COL5A1: variants seen among roughly 807,000 people sequenced by gnomAD.
The protein encoded by COL5A1 is collagen type V alpha 1 chain.
COL5A1 carries 16 observed loss-of-function variants against 263.7 expected under a neutral mutation model. The observed-to-expected ratio is 0.06, with a 90% CI of 0.04 to 0.09. The LOEUF (loss-of-function observed/expected upper bound fraction) is 0.09. Among genes scored for constraint, COL5A1 ranks in the 10% least tolerant of loss-of-function variants. The pLI, the probability that COL5A1 is intolerant of heterozygous loss-of-function variation, is 1.00. For missense variants in COL5A1, 2,036 were observed against 2,540.5 expected (o/e 0.80, Z 4.27); for synonymous variants, 1,012 against 1,004.5 (o/e 1.01, Z -0.14).
intron 25 of COL5A1, among the ~76,000 whole-genome samples, chr9:134,772,160 A>G (rs1454999039): frequency 6.6e-6 from 1 of 152,132 alleles, no homozygotes; most frequent in Non-Finnish European, 1.5e-5. Flanking sequence ...CAAACGAGGC[A>G]GCTGTTTGAA....
At position 134,822,129 on chromosome 9, in the gene COL5A1, T is replaced by C; in HGVS notation, c.4587T>C (p.Pro1529=). 6.3e-7 allele frequency: 1 copy of C among 1,592,704 alleles called. No individual in the cohort carries two copies. Among genetic ancestry groups the C allele is most frequent in the Non-Finnish European group, 8.6e-7 (1 of 1,167,654 alleles). Residue 1529 remains proline (P), a synonymous_variant, in exon 59 of 66, where the codon CCT becomes CCC. Coordinates refer to ENST00000371817, the MANE Select transcript of COL5A1 (RefSeq NM_000093.5). ...GITGPSGPIG[P]PGPPGLPGPP... Reference sequence around the variant, plus strand: ...CTGGTCCTTCTGGCCCGATTGGGCCTCCTGGGCCCCCTGGCCTGCCGGTGT... The same window carrying C: ...CTGGTCCTTCTGGCCCGATTGGGCCCCCTGGGCCCCCTGGCCTGCCGGTGT...
chr9:134,716,937 G>A lies in COL5A1; in HGVS notation c.655-10329G>A, dbSNP rs1834283480. Among the ~76,000 whole-genome samples the A allele has an allele frequency of 1.3e-5, 2 of 152,126 alleles. No homozygotes were observed. Among genetic ancestry groups the A allele is most frequent in the African/African-American group, 4.8e-5 (2 of 41,404 alleles). Reference sequence around the variant, plus strand: ...GGGACAGCAGAAAGCAATTTCCGACGACATGAAAATATTTCTCTGACACTC... The same window carrying A: ...GGGACAGCAGAAAGCAATTTCCGACAACATGAAAATATTTCTCTGACACTC... On this transcript the variant is annotated intron_variant, in intron 4 of 65. Transcript: ENST00000371817. The surrounding 1 kb of genome is among the most constrained non-coding windows in gnomAD (Gnocchi z 4.5).
At chr9:134,744,779 GCA>G (rs986792850) in intron 11 of COL5A1, among the ~76,000 whole-genome samples, 6 of 149,444 alleles carry the variant, frequency 4.0e-5, no homozygotes, top group African/African-American at 7.4e-5. Context: ...ACTCATACAT[GCA>G]CACACATACA....
intron 52 of COL5A1, among the ~76,000 whole-genome samples, chr9:134,816,648 C>A (rs1838756504): frequency 6.6e-6 from 1 of 152,246 alleles, no homozygotes; most frequent in African/African-American, 2.4e-5. Context: ...CTGACAGACA[C>A]CCCCAGTCCA....
In COL5A1 at chr9:134,842,256, T is replaced by C. The variant is rs761232367; in HGVS notation, c.5470T>C (p.Ser1824Pro). 1 of 1,614,034 alleles carries C rather than the reference T, an allele frequency of 6.2e-7. No individual in the cohort carries two copies. Among genetic ancestry groups the C allele is most frequent in the African/African-American group, 1.3e-5 (1 of 74,904 alleles). The stretch of plus-strand genomic sequence containing the variant: ...CATGTTCAATGACTTCGGTGAAGCG[T>C]CACAGAAATTTGGATTTGAAGTGGG... Reference protein sequence around the residue: ...DIMFNDFGEASQKFGFEVGPA... With the variant: ...DIMFNDFGEAPQKFGFEVGPA... Residue 1824 changes from serine to proline, a missense_variant, in exon 66 of 66, where the codon TCA (serine) becomes CCA (proline). Around this residue, in one of 3 missense-constraint regions of COL5A1, gnomAD observed 358 missense variants for 384.6 expected, o/e 0.93. Coordinates refer to ENST00000371817, the MANE Select transcript of COL5A1 (RefSeq NM_000093.5). This position sits in a 1 kb window ranked among gnomAD's most constrained non-coding sequence, Gnocchi z 5.8.
At chr9:134,811,056 G>C (rs1188083817) in intron 44 of COL5A1, among the ~76,000 whole-genome samples, 1 of 152,206 alleles carries the variant, frequency 6.6e-6, no homozygotes, top group Non-Finnish European at 1.5e-5. Context: ...ACGTGCCCCT[G>C]TTGTGGGTGC....
Position 134,716,759 on chromosome 9 carries a change from A to T in COL5A1, c.655-10507A>T, listed in dbSNP as rs1834277119. Among the ~76,000 whole-genome samples the T allele has an allele frequency of 6.6e-6, 1 of 152,132 alleles. No homozygotes were observed. Among genetic ancestry groups the T allele is most frequent in the African/African-American group, 2.4e-5 (1 of 41,424 alleles). On this transcript the variant is annotated intron_variant, in intron 4 of 65. Transcript: ENST00000371817. The surrounding 1 kb of genome is among the most constrained non-coding windows in gnomAD (Gnocchi z 4.5). ...CTGATCATGCCCCTTCTCTGCACCC[A>T]TGCGGCCCACCCCCATGTTGGAGAC... is the stretch of plus-strand genomic sequence containing the variant.
chr9:134,794,749 A>C lies in COL5A1; in HGVS notation c.2701-333A>C, dbSNP rs1837833787. Among the ~76,000 whole-genome samples, 1 of 152,032 alleles carries C rather than the reference A, an allele frequency of 6.6e-6. No homozygotes were observed. Among genetic ancestry groups the C allele is most frequent in the South Asian group, 2.1e-4 (1 of 4,814 alleles). ...AGAGAGAGAAAGAGAGATGAGGAGG[A>C]GGGGAAGGAGGGAGGAAGGAGGAGG... On this transcript the variant is annotated intron_variant, in intron 32 of 65. Transcript: ENST00000371817. The surrounding 1 kb of genome is among the most constrained non-coding windows in gnomAD (Gnocchi z 4.3).
intron 1 of COL5A1, among the ~76,000 whole-genome samples, chr9:134,689,326 T>C (rs1833190514): frequency 6.6e-6 from 1 of 152,134 alleles, no homozygotes. Flanking sequence ...CGCAGGCTGA[T>C]CACCATTCCT....
intron 4 of COL5A1, among the ~76,000 whole-genome samples, chr9:134,706,215 C>T (rs1833833599): frequency 6.6e-6 from 1 of 152,180 alleles, no homozygotes; most frequent in Admixed American, 6.5e-5. Flanking sequence ...TCTGGATGTG[C>T]CGGTGCCCTG....
chr9:134,715,318 C>T (rs558340297), intron 4 of COL5A1, among the ~76,000 whole-genome samples: 3 of 152,272 alleles, frequency 2.0e-5, no homozygotes, highest in South Asian at 2.1e-4. Flanking sequence ...AGCCCTAAGG[C>T]GGTTTTCCTC....
chr9:134,823,703 CGTGTGTGCT>C (rs1215035209), intron 61 of COL5A1, among the ~76,000 whole-genome samples: 2 of 152,190 alleles, frequency 1.3e-5, no homozygotes, highest in African/African-American at 2.4e-5. Flanking sequence ...AGAGGATACA[CGTGTGTGCT>C]GTGTGTGCAT....
At chr9:134,832,385 G>A (rs1839672948) in intron 64 of COL5A1, among the ~76,000 whole-genome samples, 2 of 152,112 alleles carry the variant, frequency 1.3e-5, no homozygotes, top group South Asian at 4.1e-4. Flanking sequence ...CATCCTGGGG[G>A]ACAGGGTGAG....
chr9:134,682,299 C>T lies in COL5A1; in HGVS notation c.110-8613C>T, dbSNP rs1211367629. Among the ~76,000 whole-genome samples, 35 of 152,184 alleles carry T rather than the reference C, an allele frequency of 2.3e-4. 1 individual carries two copies. Among genetic ancestry groups the T allele is most frequent in the African/African-American group, 2.4e-5 (1 of 41,454 alleles). ...TCCCCCAGCCATGCTGCCTGGAGGC[C>T]GGGTCCTGAGCGGAGCACTCTGTAC... On this transcript the variant is annotated intron_variant, in intron 1 of 65. Coordinates refer to ENST00000371817, the MANE Select transcript of COL5A1 (RefSeq NM_000093.5). This position sits in a 1 kb window ranked among gnomAD's most constrained non-coding sequence, Gnocchi z 5.1.
chr9:134,822,554 G>A (rs988921009), intron 59 of COL5A1, among the ~76,000 whole-genome samples: 1 of 152,118 alleles, frequency 6.6e-6, no homozygotes, highest in Admixed American at 6.5e-5. Flanking sequence ...CACATTGCTG[G>A]GAGACCCAGC....
intron 13 of COL5A1, among the ~76,000 whole-genome samples, chr9:134,751,464 C>T (rs930460640): frequency 1.3e-5 from 2 of 152,186 alleles, no homozygotes; most frequent in Admixed American, 1.3e-4. Context: ...GCTGCCTGGG[C>T]TGGAGCTGGG....
intron 14 of COL5A1, among the ~76,000 whole-genome samples, chr9:134,752,907 A>G (rs1835838778): frequency 6.6e-6 from 1 of 152,146 alleles, no homozygotes. Flanking sequence ...AGCTGACATC[A>G]GCGATCCTGG....
intron 48 of COL5A1, among the ~76,000 whole-genome samples, chr9:134,813,538 C>T (rs1031504496): frequency 3.9e-5 from 6 of 152,196 alleles, no homozygotes; most frequent in African/African-American, 4.8e-5. Flanking sequence ...TTGGTGTCCC[C>T]GCTGTAGGGC....
rs1830170394 is a variant in COL5A1, at chr9:134,843,820, C to T, written c.*1517C>T. ...ACTCCATGAGTCTCTCCAGGGCTGC[C>T]TGCAGCACGTCTTTTCCAAGTAGCC... On this transcript the variant is annotated 3_prime_UTR_variant, in exon 66 of 66. Coordinates refer to ENST00000371817, the MANE Select transcript of COL5A1 (RefSeq NM_000093.5). 6.5e-6 allele frequency: 1 copy of T among 152,680 alleles called. No individual in the cohort carries two copies. The highest frequency in any genetic ancestry group is 1.5e-5 in the Non-Finnish European group (1 of 68,048). The allele number at this position is 152,680 out of a possible 1,614,324, so 9.5% of individuals were successfully genotyped here. A position where few individuals can be genotyped will look rare whatever the true frequency, so the allele number is the denominator to read the frequency against.
Sources: gnomAD v4.1 joint callset for allele counts (sites outside exome capture counted in the v4.1 genomes callset) on GRCh38, gnomAD v4.1.1 for gene constraint, gnomAD v4.1.1 regional missense constraint, Gnocchi (gnomAD v3.1) non-coding constraint, MANE v1.5 for transcripts, NCBI Gene and HGNC (gene_info 2026-07-23, HGNC 2026-07-21) for gene names.